CDIN1: variants seen among roughly 807,000 people sequenced by gnomAD.
The protein encoded by CDIN1 is CDAN1-interacting nuclease 1.
Under a neutral mutation model 45.3 loss-of-function variants are expected in CDIN1, and 33 were observed. The observed-to-expected ratio is 0.73, with a 90% CI of 0.55 to 0.97. The LOEUF is 0.97. CDIN1 is among the 50% of genes least tolerant of loss of function. CDIN1 has a pLI of 0.00. For missense variants in CDIN1, 303 were observed against 339.4 expected, an observed-to-expected ratio of 0.89 and a Z score of 0.84; for synonymous variants, 118 against 124.4, an observed-to-expected ratio of 0.95 and a Z score of 0.34.
At chr15:36,586,797 G>A (rs967174573) in intron 1 of CDIN1, among the ~76,000 whole-genome samples, 1 of 152,158 alleles carries the variant, frequency 6.6e-6, no homozygotes, top group Non-Finnish European at 1.5e-5. Flanking sequence ...AACAAAATAG[G>A]ATAATGTAGT....
intron 10 of CDIN1, among the ~76,000 whole-genome samples, chr15:36,730,643 G>A (rs1256995936): frequency 6.6e-6 from 1 of 151,972 alleles, no homozygotes; most frequent in Non-Finnish European, 1.5e-5. Context: ...CATTAAAATG[G>A]TTCAATCAGT....
At chr15:36,748,477 C>G (rs1460168028) in intron 10 of CDIN1, among the ~76,000 whole-genome samples, 1 of 151,996 alleles carries the variant, frequency 6.6e-6, no homozygotes, top group Non-Finnish European at 1.5e-5. Context: ...CCTTGCCCAA[C>G]AAAGTTTGCC....
intron 7 of CDIN1, among the ~76,000 whole-genome samples, chr15:36,696,256 C>T (rs1003373910): frequency 3.3e-5 from 5 of 152,184 alleles, no homozygotes; most frequent in African/African-American, 4.8e-5. Context: ...CATACACACA[C>T]GAGAAAAAGA....
chr15:36,726,811 G>T (rs992202995), intron 10 of CDIN1, among the ~76,000 whole-genome samples: 1 of 151,722 alleles, frequency 6.6e-6, no homozygotes. Context: ...CTGTAGTAGA[G>T]CCCAGTATAA....
intron 1 of CDIN1, chr15:36,641,493 G>A (rs948302345): frequency 2.0e-5 from 3 of 152,360 alleles, no homozygotes; most frequent in African/African-American, 7.2e-5. Context: ...GCTGTAGGGT[G>A]CGGAGCTAAA....
chr15:36,667,679 G>A (rs1436290825), intron 5 of CDIN1, among the ~76,000 whole-genome samples: 1 of 152,132 alleles, frequency 6.6e-6, no homozygotes, highest in Non-Finnish European at 1.5e-5. Context: ...TCTTATTCAT[G>A]AGAAGACGCT....
intron 4 of CDIN1, 37 bp from the exon 5 acceptor site, chr15:36,657,796 C>A: frequency 6.5e-7 from 1 of 1,548,554 alleles, no homozygotes; most frequent in Non-Finnish European, 8.8e-7. Flanking sequence ...GCTCGCACAA[C>A]TTGATAGTTT....
At chr15:36,643,095 A>G (rs926611426) in intron 1 of CDIN1, among the ~76,000 whole-genome samples, 3 of 152,328 alleles carry the variant, frequency 2.0e-5, no homozygotes. Flanking sequence ...AAAACAGACT[A>G]TAATGGATTT....
intron 10 of CDIN1, among the ~76,000 whole-genome samples, chr15:36,718,315 T>C: frequency 6.6e-6 from 1 of 152,156 alleles, no homozygotes; most frequent in East Asian, 1.9e-4. Context: ...TTTGTTATTC[T>C]TTTCAAAGTT....
Position 36,737,875 on chromosome 15 carries a change from T to G in CDIN1, c.716+27914T>G, listed in dbSNP as rs193195418. On this transcript the variant is annotated intron_variant, in intron 10 of 10. Transcript: ENST00000566621. ...TCATACTTATTAATAAAGATAATAT[T>G]GTTCAAGACTATATTTATGACCAAA... is the stretch of plus-strand genomic sequence containing the variant. Among the ~76,000 whole-genome samples the G allele has an allele frequency of 4.3e-4, 66 of 152,332 alleles. No individual in the cohort carries two copies. The East Asian group carries it at 0.01, about 23-fold the overall frequency.
chr15:36,667,417 C>T (rs1224094116), intron 5 of CDIN1, among the ~76,000 whole-genome samples: 7 of 152,098 alleles, frequency 4.6e-5, no homozygotes, highest in Non-Finnish European at 8.8e-5. Context: ...AGGTGTAGCA[C>T]CTAAAACGCT....
chr15:36,587,748 A>G (rs2037374563), intron 1 of CDIN1, among the ~76,000 whole-genome samples: 1 of 152,158 alleles, frequency 6.6e-6, no homozygotes, highest in Non-Finnish European at 1.5e-5. Context: ...ATAGAAATAA[A>G]AAGCTCTATC....
chr15:36,808,791 A>C lies in CDIN1; in HGVS notation c.*338A>C, dbSNP rs1170604176. On this transcript the variant is annotated 3_prime_UTR_variant, in exon 11 of 11. Transcript: ENST00000566621. ...CAAAAGAAAAAATGTGAAGACTGAA[A>C]GGTGTGATTTTTCAATTCTCCTCCC... 1.1e-5 allele frequency: 5 copies of C among 461,648 alleles called. No individual in the cohort carries two copies. Among genetic ancestry groups the C allele is most frequent in the Non-Finnish European group, 2.1e-5 (5 of 232,922 alleles). The allele number at this position is 461,648 out of a possible 1,614,324, so 28.6% of individuals were successfully genotyped here. A position where few individuals can be genotyped will look rare whatever the true frequency, so the allele number is the denominator to read the frequency against.
intron 8 of CDIN1, among the ~76,000 whole-genome samples, chr15:36,703,046 G>A (rs12442598): frequency 0.14 from 20,900 of 149,136 alleles, 1,574 homozygotes; most frequent in East Asian, 0.25. Context: ...CTCCCCCAAC[G>A]TCCACTCTAC....
chr15:36,800,430 T>G (rs923237544), intron 10 of CDIN1, among the ~76,000 whole-genome samples: 3 of 152,184 alleles, frequency 2.0e-5, no homozygotes, highest in Non-Finnish European at 4.4e-5. Context: ...TTATATTACA[T>G]GATCACTAAT....
intron 8 of CDIN1, chr15:36,708,042 T>C (rs2042932049): frequency 6.6e-6 from 1 of 152,320 alleles, no homozygotes; most frequent in East Asian, 1.9e-4. Flanking sequence ...ACTTTAAATA[T>C]GTGTCTTGTC....
At chr15:36,587,002 G>GC (rs757662073) in intron 1 of CDIN1, among the ~76,000 whole-genome samples, 5 of 152,188 alleles carry the variant, frequency 3.3e-5, no homozygotes, top group South Asian at 4.1e-4. Context: ...AGTAGACCAA[G>GC]CCCTCTGGCA....
intron 1 of CDIN1, among the ~76,000 whole-genome samples, chr15:36,582,486 G>T (rs2037093892): frequency 6.6e-6 from 1 of 152,236 alleles, no homozygotes. Context: ...TACTAGTACA[G>T]TTATGATGCC....
rs557975343 is a variant in CDIN1 at position 36,618,837 on chromosome 15, C to T, written c.102-25441C>T. 2.4e-3 allele frequency: 1,980 copies of T among 823,204 alleles called. 40 individuals are homozygous for T. The South Asian group carries it at 0.025, about 11-fold the overall frequency. The allele number at this position is 823,204 out of a possible 1,614,324, so 51.0% of individuals were successfully genotyped here. On this transcript the variant is annotated intron_variant, in intron 1 of 10. Transcript: ENST00000566621. Reference sequence around the variant, plus strand: ...GATGGTCTCAACCAGACAACTATACCAGTTTCTCCTCCAAGTACTACAAAG... The same window carrying T: ...GATGGTCTCAACCAGACAACTATACTAGTTTCTCCTCCAAGTACTACAAAG...
Sources: allele counts gnomAD v4.1 joint callset (sites outside exome capture counted in the v4.1 genomes callset), GRCh38; gene constraint gnomAD v4.1.1; transcripts MANE v1.5; gene names NCBI Gene and HGNC (gene_info 2026-07-23, HGNC 2026-07-21).